Variants in SAMMSON observed in about 807,000 individuals in gnomAD.
The protein encoded by SAMMSON is long intergenic non-protein coding RNA 1212.
At chr3:70,277,943 T>A (rs950614753) in intron 6 of SAMMSON, among the ~76,000 whole-genome samples, 1 of 152,152 alleles carries the variant, frequency 6.6e-6, no homozygotes, top group Non-Finnish European at 1.5e-5. Flanking sequence ...TCTCAATGTT[T>A]TAAATTTTTG....
intron 2 of SAMMSON, among the ~76,000 whole-genome samples, chr3:70,411,906 G>A (rs1199576447): frequency 1.3e-5 from 2 of 152,250 alleles, no homozygotes; most frequent in South Asian, 2.1e-4. Flanking sequence ...CACAGCATAT[G>A]TATAATGATG....
At chr3:70,080,254 A>G (rs937163136) in intron 4 of SAMMSON, among the ~76,000 whole-genome samples, 1 of 152,130 alleles carries the variant, frequency 6.6e-6, no homozygotes, top group Non-Finnish European at 1.5e-5. Context: ...CTAAAATTTT[A>G]TGGCTTAGCT....
chr3:70,169,934 C>T (rs1446679629), intron 4 of SAMMSON, among the ~76,000 whole-genome samples: 7 of 151,882 alleles, frequency 4.6e-5, no homozygotes, highest in South Asian at 2.1e-4. Flanking sequence ...TAGAAGCAAA[C>T]GCTTTAGAAA....
At chr3:70,401,489 G>A (rs1352910287) in intron 2 of SAMMSON, among the ~76,000 whole-genome samples, 1 of 152,076 alleles carries the variant, frequency 6.6e-6, no homozygotes, top group African/African-American at 2.4e-5. Flanking sequence ...AAATAATTCA[G>A]TGATTATTTT....
Position 70,220,953 on chromosome 3 carries a change from T to C in SAMMSON, n.508-28154T>C, listed in dbSNP as rs542997394. The stretch of plus-strand genomic sequence containing the variant: ...GTAAAGGGTGAATGAATGTAGTAGC[T>C]ATGCATCAGCTTACTAAGTGGTAGG... On this transcript the variant is annotated intron_variant and non_coding_transcript_variant, in intron 4 of 9. Transcript: ENST00000642114. Among the ~76,000 whole-genome samples, 6 of 152,320 alleles carry C rather than the reference T, an allele frequency of 3.9e-5. No homozygotes were observed. In the East Asian group the frequency reaches 1.2e-3, roughly 29 times the overall value.
At chr3:70,197,906 G>T (rs547658462) in intron 4 of SAMMSON, among the ~76,000 whole-genome samples, 3 of 152,048 alleles carry the variant, frequency 2.0e-5, no homozygotes, top group Non-Finnish European at 4.4e-5. Context: ...TACTACACAG[G>T]CTTGTAAAAA....
chr3:70,285,531 T>A (rs1049104409), intron 6 of SAMMSON, among the ~76,000 whole-genome samples: 19 of 152,044 alleles, frequency 1.2e-4, no homozygotes, highest in African/African-American at 4.1e-4. Flanking sequence ...TGTGCATGTG[T>A]CTTTATAGCA....
chr3:70,190,041 T>G (rs991555085), intron 4 of SAMMSON, among the ~76,000 whole-genome samples: 2 of 152,196 alleles, frequency 1.3e-5, no homozygotes. Flanking sequence ...AAGGCTGGCT[T>G]AATGTAGCTA....
intron 4 of SAMMSON, among the ~76,000 whole-genome samples, chr3:70,218,721 A>G (rs1433184803): frequency 6.6e-6 from 1 of 152,174 alleles, no homozygotes; most frequent in East Asian, 1.9e-4. Context: ...TAAAGCCTAC[A>G]AGAGACACAA....
chr3:70,291,609 A>G (rs970930216), intron 7 of SAMMSON, among the ~76,000 whole-genome samples: 16 of 152,198 alleles, frequency 1.1e-4, no homozygotes, highest in Admixed American at 3.3e-4. Context: ...CATCGGATCC[A>G]CAAATGACAA....
At chr3:70,038,725 G>A (rs1232862792) in intron 3 of SAMMSON, among the ~76,000 whole-genome samples, 4 of 152,112 alleles carry the variant, frequency 2.6e-5, no homozygotes, top group East Asian at 1.9e-4. Flanking sequence ...TTTATTTTTA[G>A]ATGGACTCTG....
chr3:70,268,406 C>T (rs527780437), intron 6 of SAMMSON, among the ~76,000 whole-genome samples: 6 of 138,824 alleles, frequency 4.3e-5, no homozygotes, highest in East Asian at 4.7e-4. Context: ...ACCCGGGAGG[C>T]GGAGGTGGCA....
intron 7 of SAMMSON, among the ~76,000 whole-genome samples, chr3:70,313,490 A>G (rs995664828): frequency 6.6e-6 from 1 of 152,068 alleles, no homozygotes; most frequent in African/African-American, 2.4e-5. Context: ...AGGAAAAAAA[A>G]AAAAGGAAAA....
chr3:70,000,866 T>C (rs2066902982), intron 1 of SAMMSON, among the ~76,000 whole-genome samples: 1 of 152,214 alleles, frequency 6.6e-6, no homozygotes, highest in South Asian at 2.1e-4. Context: ...GTGTTTTTGC[T>C]ATCAGTGCAA....
intron 7 of SAMMSON, among the ~76,000 whole-genome samples, chr3:70,293,292 C>CA (rs1172127100): frequency 6.6e-6 from 1 of 151,914 alleles, no homozygotes; most frequent in Non-Finnish European, 1.5e-5. Context: ...CAATTACATA[C>CA]AATTATCAAA....
At chr3:70,345,982 G>A (rs962684299) in intron 7 of SAMMSON, among the ~76,000 whole-genome samples, 30 of 152,284 alleles carry the variant, frequency 2.0e-4, no homozygotes, top group Middle Eastern at 3.4e-3. Flanking sequence ...TTTCAAATCA[G>A]TTTGATAAAT....
intron 3 of SAMMSON, among the ~76,000 whole-genome samples, chr3:70,045,761 G>C (rs541782233): frequency 6.6e-6 from 1 of 152,146 alleles, no homozygotes; most frequent in Admixed American, 6.6e-5. Context: ...TTTTTTCCCA[G>C]TTGTTGAGCA....
intron 4 of SAMMSON, among the ~76,000 whole-genome samples, chr3:70,212,045 A>G (rs1701356892): frequency 6.6e-6 from 1 of 151,598 alleles, no homozygotes; most frequent in Non-Finnish European, 1.5e-5. Flanking sequence ...CTTTCTTCCT[A>G]CCCTGCCCTT....
intron 3 of SAMMSON, among the ~76,000 whole-genome samples, chr3:70,040,618 A>C (rs2067102607): frequency 6.6e-6 from 1 of 152,010 alleles, no homozygotes; most frequent in Non-Finnish European, 1.5e-5. Context: ...GGCTTCCACC[A>C]CCCTTTGGAA....
Sources: allele counts gnomAD v4.1 joint callset (sites outside exome capture counted in the v4.1 genomes callset), GRCh38; gene constraint gnomAD v4.1.1; transcripts MANE v1.5; gene names NCBI Gene and HGNC (gene_info 2026-07-23, HGNC 2026-07-21).